Variants in CHADL observed in about 807,000 individuals in gnomAD.
CHADL encodes chondroadherin like.
CHADL carries 48 observed loss-of-function variants against 52.1 expected under a neutral mutation model. The ratio of observed to expected loss-of-function variants is 0.92; its 90% CI spans 0.73 to 1.17. The LOEUF (loss-of-function observed/expected upper bound fraction) is 1.17, where lower values mean the gene tolerates loss of function less well. CHADL is among the 50% of genes most tolerant of loss of function. CHADL has a pLI of 0.00. For synonymous variants in CHADL, 498 were observed against 511.2 expected (o/e 0.97, Z 0.35); for missense variants, 977 against 1,035.1 (o/e 0.94, Z 0.77).
intron 5 of CHADL, chr22:41,230,304 T>TACC (rs1234885994): frequency 1.5e-6 from 2 of 1,301,978 alleles, no homozygotes; most frequent in African/African-American, 2.9e-5. Context: ...AGCGTTTCTC[T>TACC]ACCACCACCA....
intron 4 of CHADL, among the ~76,000 whole-genome samples, chr22:41,235,892 G>A (rs906950347): frequency 2.6e-5 from 4 of 151,842 alleles, no homozygotes; most frequent in Non-Finnish European, 5.9e-5. Context: ...TTTTTTTTGA[G>A]ATGGAGTCTC....
chr22:41,230,089 C>CCCCCCCCCCTCTTT (rs1569155063), intron 5 of CHADL: 5 of 873,234 alleles, frequency 5.7e-6, no homozygotes, highest in South Asian at 3.2e-5. Flanking sequence ...GCCCCCACCC[C>CCCCCCCCCCTCTTT]TCCCAGAGTT....
In CHADL at chr22:41,240,883, C is replaced by T; in HGVS notation, c.-2G>A. On this transcript the variant is annotated 5_prime_UTR_variant, in exon 1 of 6. Coordinates refer to ENST00000216241, the MANE Select transcript of CHADL (RefSeq NM_138481.2). ...GGGCCCAAAGACTCACCCCTCCATGCCGCCTGGAACTGCTGGTCCAGCCTG... is the reference window on the plus strand; with the variant it reads ...GGGCCCAAAGACTCACCCCTCCATGTCGCCTGGAACTGCTGGTCCAGCCTG... 1 of 1,550,208 alleles carries T rather than the reference C, an allele frequency of 6.5e-7. No homozygotes were observed. Among genetic ancestry groups the T allele is most frequent in the Non-Finnish European group, 8.7e-7 (1 of 1,146,732 alleles).
At chr22:41,236,342 A>G (rs539156348) in intron 4 of CHADL, 142 bp downstream of exon 4, 21 of 689,204 alleles carry the variant, frequency 3.0e-5, no homozygotes, top group Middle Eastern at 3.3e-4. Context: ...AAGGGCTTAT[A>G]CATGCCTGGC....
At chr22:41,231,913 A>G (rs1353388076) in intron 5 of CHADL, among the ~76,000 whole-genome samples, 1 of 152,216 alleles carries the variant, frequency 6.6e-6, no homozygotes, top group Non-Finnish European at 1.5e-5. Flanking sequence ...CATAGTATCA[A>G]GAGCCCCTAC....
At position 41,238,688 on chromosome 22, in the gene CHADL, C is replaced by T. The variant is rs772431671; in HGVS notation, c.384G>A (p.Glu128=). The change falls in exon 3 of 6, where the codon GAG becomes GAA. Residue 128 remains glutamate, a synonymous_variant. Transcript: ENST00000216241. This position sits in a 1 kb window ranked among gnomAD's most constrained non-coding sequence, Gnocchi z 4.9. ...ASNHLRELPQ[E]ALDGLGSLRR... ...GCAACGAGCCCAGCCCGTCCAGCGC[C>T]TCCTGGGGCAGCTCACGCAGGTGGT... 4.5e-5 allele frequency: 70 copies of T among 1,546,154 alleles called. No individual in the cohort carries two copies. The Admixed American group carries it at 5.1e-4, about 11-fold the overall frequency.
chr22:41,235,410 G>A (rs2032723165), intron 4 of CHADL, 67 bp from the exon 5 acceptor site: 2 of 1,343,082 alleles, frequency 1.5e-6, no homozygotes, highest in East Asian at 2.5e-5. Context: ...GAGCAGGTGG[G>A]CACTGGGTGT....
chr22:41,238,630 C>G lies in CHADL; in HGVS notation c.442G>C (p.Glu148Gln). 1 of 1,544,460 alleles carries G rather than the reference C, an allele frequency of 6.5e-7. No homozygotes were observed. Residue 148 changes from glutamate to glutamine, a missense_variant, in exon 3 of 6, where the codon GAG (glutamate) becomes CAG (glutamine). Transcript: ENST00000216241. This position sits in a 1 kb window ranked among gnomAD's most constrained non-coding sequence, Gnocchi z 4.9. ...RLELEGNALE[E>Q]LRPGTFGALG... is the part of the protein sequence containing the mutation. ...GCCCCGAACGTCCCCGGCCGCAGCT[C>G]CTCCAGTGCGTTCCCCTCCAGCTCC... is the stretch of plus-strand genomic sequence containing the variant.
chr22:41,235,167 C>G lies in CHADL; in HGVS notation c.2240G>C (p.Gly747Ala), dbSNP rs1359510907. Residue 747 changes from glycine (G) to alanine (A), a missense_variant, in exon 5 of 6, where the codon GGA (glycine) becomes GCA (alanine). Transcript: ENST00000216241. ...RPSARRTPIK[G>A]RQCGADKVGK... The stretch of plus-strand genomic sequence containing the variant: ...AACCTTATCTGCTCCACACTGTCTT[C>G]CTTTGATGGGGGTTCTCCTGGCACT... 1 of 1,551,512 alleles carries G rather than the reference C, an allele frequency of 6.4e-7. No individual in the cohort carries two copies. The highest frequency in any genetic ancestry group is 8.7e-7 in the Non-Finnish European group (1 of 1,147,016).
chr22:41,234,395 A>ATTATTATTATTATTATT (rs1376614792), intron 5 of CHADL, among the ~76,000 whole-genome samples: 15 of 149,002 alleles, frequency 1.0e-4, no homozygotes, highest in African/African-American at 3.7e-4. Context: ...TATTATTATT[A>ATTATTATTATTATTATT]TTATTGAGAC....
In CHADL at chr22:41,238,876, G is replaced by A. The variant is rs1274588588; in HGVS notation, c.196C>T (p.Arg66Trp). 6.5e-7 allele frequency: 1 copy of A among 1,534,080 alleles called. No homozygotes were observed. The highest frequency in any genetic ancestry group is 8.8e-7 in the Non-Finnish European group (1 of 1,134,972). ...AGCAAATTGCCCTGCAGGTCCAGCC[G>A]CTGGGTCAGCTGGGGACAGCGAGGA... ...VPDAIPELTQRLDLQGNLLKV... is the reference protein window; with the variant it reads ...VPDAIPELTQWLDLQGNLLKV... Residue 66 changes from arginine (R) to tryptophan (W), a missense_variant, in exon 3 of 6, where the codon CGG (arginine) becomes TGG (tryptophan). By Grantham distance (101) the Arg-to-Trp change is moderately radical (BLOSUM62 -3). Coordinates refer to ENST00000216241, the MANE Select transcript of CHADL (RefSeq NM_138481.2). This position sits in a 1 kb window ranked among gnomAD's most constrained non-coding sequence, Gnocchi z 4.9.
intron 3 of CHADL, 89 bp downstream of exon 3, chr22:41,237,087 G>T: frequency 7.4e-7 from 1 of 1,347,082 alleles, no homozygotes; most frequent in East Asian, 2.5e-5. Context: ...TGGCACCAAG[G>T]GGCTGGCAAA....
Position 41,237,886 on chromosome 22 carries a change from A to C in CHADL, c.1186T>G (p.Cys396Gly). 1.6e-6 allele frequency: 2 copies of C among 1,282,646 alleles called. No homozygotes were observed. The highest frequency in any genetic ancestry group is 9.9e-7 in the Non-Finnish European group (1 of 1,012,088). The allele number at this position is 1,282,646 out of a possible 1,614,324, so 79.5% of individuals were successfully genotyped here. ...GPGEERAVAP[C>G]PRACVCVPES... ...GGGACGCACACGCAGGCGCGAGGGC[A>C]AGGCGCGACTGCCCGCTCCTCCCCG... Residue 396 changes from cysteine to glycine, a missense_variant, in exon 3 of 6, where the codon TGC becomes GGC. Transcript: ENST00000216241.
At chr22:41,239,025 G>C in intron 2 of CHADL, 140 bp from the exon 3 acceptor site, 1 of 1,172,772 alleles carries the variant, frequency 8.5e-7, no homozygotes, top group Non-Finnish European at 1.2e-6. Context: ...CCTCCTCCAG[G>C]AAGCCTTCCT....
At chr22:41,230,107 C>T (rs200068641) in intron 5 of CHADL, 10 of 417,114 alleles carry the variant, frequency 2.4e-5, no homozygotes, top group Middle Eastern at 3.8e-4. Flanking sequence ...GTTATTTACT[C>T]GCCCACCCAC....
intron 1 of CHADL, among the ~76,000 whole-genome samples, chr22:41,240,126 G>A (rs1200807344): frequency 6.6e-6 from 1 of 152,132 alleles, no homozygotes; most frequent in African/African-American, 2.4e-5. Context: ...TGTTGCCCAG[G>A]CTGGAGTCTG....
chr22:41,239,360 A>G (rs1473460852), intron 2 of CHADL, 83 bp downstream of exon 2: 5 of 1,309,846 alleles, frequency 3.8e-6, no homozygotes, highest in Non-Finnish European at 5.2e-6. Context: ...TGGCAGATCA[A>G]CTGGTGCCCA....
chr22:41,239,683 A>G, intron 1 of CHADL, 63 bp from the exon 2 acceptor site: 1 of 1,387,796 alleles, frequency 7.2e-7, no homozygotes, highest in Non-Finnish European at 9.6e-7. Context: ...TCCCTCACTT[A>G]GTCCCAGCCA....
At chr22:41,236,796 A>G (rs7287554) in intron 3 of CHADL, 146 bp from the exon 4 acceptor site, 18,605 of 813,312 alleles carry the variant, frequency 0.023, 1,439 homozygotes, top group African/African-American at 0.2. Flanking sequence ...CTGGGTCAAA[A>G]CCCAGGCTGG....
Sources: allele counts gnomAD v4.1 joint callset (sites outside exome capture counted in the v4.1 genomes callset), GRCh38; gene constraint gnomAD v4.1.1; non-coding constraint Gnocchi (gnomAD v3.1); transcripts MANE v1.5; gene names NCBI Gene and HGNC (gene_info 2026-07-23, HGNC 2026-07-21).